Variants in FGF13 observed in about 807,000 individuals in gnomAD.
FGF13 encodes the protein fibroblast growth factor homologous factor 2.
FGF13 carries 2 observed loss-of-function variants against 19.5 expected under a neutral mutation model. The ratio of observed to expected loss-of-function variants is 0.10; its 90% CI spans 0.04 to 0.32. FGF13 has a LOEUF of 0.32. Among genes scored for constraint, FGF13 ranks in the 10% least tolerant of loss-of-function variants. FGF13 has a pLI of 1.00. For synonymous variants in FGF13, 72 were observed against 76.9 expected (o/e 0.94, Z 0.33); for missense variants, 113 against 192.7 (o/e 0.59, Z 2.45).
chrX:138,816,061 T>C (rs1048872550), intron 3 of FGF13, among the ~76,000 whole-genome samples: 106 of 111,283 alleles, frequency 9.5e-4, no homozygotes, highest in African/African-American at 3.3e-3. Context: ...AAAAGATAAC[T>C]GGCAAAAGAG....
chrX:138,640,178 C>T (rs147008844), intron 3 of FGF13, among the ~76,000 whole-genome samples: 1,941 of 110,993 alleles, frequency 0.017, 32 homozygotes, highest in African/African-American at 0.06. Context: ...ATATCACTGA[C>T]AAGAATAAAA....
intron 1 of FGF13, among the ~76,000 whole-genome samples, chrX:138,927,752 GATATAAA>G (rs2091681678): frequency 9.0e-6 from 1 of 111,724 alleles, no homozygotes; most frequent in Non-Finnish European, 1.9e-5. Flanking sequence ...CTACCAAGCT[GATATAAA>G]CTACAAGCCA....
chrX:138,732,105 G>A (rs1004149583), intron 1 of FGF13, among the ~76,000 whole-genome samples: 1 of 111,547 alleles, frequency 9.0e-6, no homozygotes, highest in African/African-American at 3.2e-5. Context: ...TGATGATTAT[G>A]TAGAACAACC....
At chrX:138,707,894 T>C (rs17510088) in intron 2 of FGF13, among the ~76,000 whole-genome samples, 3,841 of 112,459 alleles carry the variant, frequency 0.034, 66 homozygotes, top group Non-Finnish European at 0.052. Context: ...CTGCAGAGTA[T>C]ACTGCTTAGC....
chrX:139,049,531 T>C (rs954966914), intron 1 of FGF13, among the ~76,000 whole-genome samples: 8 of 112,649 alleles, frequency 7.1e-5, no homozygotes, highest in Non-Finnish European at 1.5e-4. Flanking sequence ...GTCAGAAGAC[T>C]GACTTGTGTG....
chrX:139,153,097 C>T (rs947516112), intron 1 of FGF13, among the ~76,000 whole-genome samples: 2 of 111,383 alleles, frequency 1.8e-5, no homozygotes, highest in African/African-American at 6.5e-5. Context: ...TCAGGGCCTA[C>T]TTCTGGTTAT....
chrX:139,165,901 G>A (rs1010097557), intron 1 of FGF13, among the ~76,000 whole-genome samples: 1 of 111,893 alleles, frequency 8.9e-6, no homozygotes, highest in African/African-American at 3.3e-5. Context: ...TGGAATGGGT[G>A]TATTTACCCA....
At position 139,061,989 on chromosome X, in the gene FGF13, T is replaced by C. The variant is rs1163300740; in HGVS notation, c.-113+141427A>G. Among the ~76,000 whole-genome samples, 4 of 111,658 alleles carry C rather than the reference T, an allele frequency of 3.6e-5. No homozygotes were observed. The East Asian group carries it at 1.1e-3, about 31-fold the overall frequency. On this transcript the variant is annotated intron_variant, in intron 1 of 2. Transcript: ENST00000421460. ...CATTTACACCTTAATAAATGTATAG[T>C]TTGAAAATATTTCCCCCATATATAG...
chrX:139,145,573 A>G (rs1569457713), intron 1 of FGF13, among the ~76,000 whole-genome samples: 1 of 109,920 alleles, frequency 9.1e-6, no homozygotes, highest in Admixed American at 9.7e-5. Flanking sequence ...CTTACACTCC[A>G]ACTGTGTGTT....
chrX:138,907,166 T>C (rs1039222227), intron 1 of FGF13, among the ~76,000 whole-genome samples: 2 of 111,405 alleles, frequency 1.8e-5, no homozygotes, highest in Non-Finnish European at 3.8e-5. Context: ...TAGGAAAAGC[T>C]TGGAGGGATC....
intron 3 of FGF13, among the ~76,000 whole-genome samples, chrX:138,812,482 A>G (rs1361244881): frequency 9.0e-6 from 1 of 110,800 alleles, no homozygotes; most frequent in East Asian, 2.9e-4. Context: ...TAAGTGGTTT[A>G]CCTCCAAATT....
intron 1 of FGF13, among the ~76,000 whole-genome samples, chrX:138,979,666 AAAG>A (rs1339122315): frequency 4.5e-5 from 5 of 111,123 alleles, no homozygotes; most frequent in African/African-American, 1.6e-4. Flanking sequence ...ACCAAACAAC[AAAG>A]AAGGGATTCA....
intron 1 of FGF13, among the ~76,000 whole-genome samples, chrX:138,896,986 C>T (rs2091507609): frequency 8.9e-6 from 1 of 111,814 alleles, no homozygotes; most frequent in Non-Finnish European, 1.9e-5. Context: ...GTAGCATGTA[C>T]ATGTTGGGGC....
intron 3 of FGF13, among the ~76,000 whole-genome samples, chrX:138,759,639 C>T (rs2090453195): frequency 8.9e-6 from 1 of 111,876 alleles, no homozygotes; most frequent in South Asian, 3.8e-4. Context: ...TGCATTGTCC[C>T]AACTGGCCTA....
intron 1 of FGF13, among the ~76,000 whole-genome samples, chrX:139,185,824 C>T (rs1308489807): frequency 1.8e-5 from 2 of 111,887 alleles, no homozygotes; most frequent in Non-Finnish European, 3.8e-5. Context: ...AGACATTTTA[C>T]AAATGGGAAT....
At chrX:138,941,288 A>G (rs2124273161) in intron 1 of FGF13, among the ~76,000 whole-genome samples, 1 of 112,005 alleles carries the variant, frequency 8.9e-6, no homozygotes, top group South Asian at 3.8e-4. Context: ...TTTGCAGACA[A>G]TATGATTCTA....
intron 1 of FGF13, among the ~76,000 whole-genome samples, chrX:139,189,065 CCACACA>C (rs3048351): frequency 0.2 from 20,952 of 102,462 alleles, 1,695 homozygotes; most frequent in African/African-American, 0.27. Context: ...TTCATTGTTT[CCACACA>C]CACACACACA....
intron 1 of FGF13, among the ~76,000 whole-genome samples, chrX:139,091,040 G>A (rs1189350178): frequency 9.1e-6 from 1 of 109,577 alleles, no homozygotes; most frequent in Admixed American, 9.8e-5. Flanking sequence ...GAACTGGGGT[G>A]TCAAGATGCA....
chrX:138,818,327 T>A (rs948062980), intron 3 of FGF13, among the ~76,000 whole-genome samples: 9 of 110,413 alleles, frequency 8.2e-5, no homozygotes, highest in African/African-American at 2.6e-4. Context: ...GACAGGAAAT[T>A]CACCACTACT....
Sources: allele counts gnomAD v4.1 joint callset (sites outside exome capture counted in the v4.1 genomes callset), GRCh38; gene constraint gnomAD v4.1.1; transcripts MANE v1.5; gene names NCBI Gene and HGNC (gene_info 2026-07-23, HGNC 2026-07-21).